The following SLC30A7 variants were observed in gnomAD, a reference collection of about 807,000 sequenced individuals.
The protein encoded by SLC30A7 is zinc transporter 7.
A neutral mutation model predicts 46.0 loss-of-function variants in SLC30A7; 35 were observed. That is an observed-to-expected ratio of 0.76 (90% CI 0.58 to 1.01). The LOEUF is 1.01. SLC30A7 is among the 50% of genes least tolerant of loss of function. SLC30A7 has a pLI of 0.00. For missense variants in SLC30A7, 464 were observed against 451.1 expected (o/e 1.03, Z -0.26); for synonymous variants, 147 against 157.8 (o/e 0.93, Z 0.51).
intron 6 of SLC30A7, among the ~76,000 whole-genome samples, chr1:100,917,712 T>G (rs1652663345): frequency 6.6e-6 from 1 of 152,162 alleles, no homozygotes; most frequent in African/African-American, 2.4e-5. Flanking sequence ...CTGGCTTCAT[T>G]TCTTGGACCT....
chr1:100,920,087 C>T (rs1048536878), intron 7 of SLC30A7, among the ~76,000 whole-genome samples: 1 of 152,036 alleles, frequency 6.6e-6, no homozygotes, highest in Non-Finnish European at 1.5e-5. Context: ...AACCAGTTTT[C>T]AGGTTAGCAA....
chr1:100,912,273 C>T (rs747940566), intron 5 of SLC30A7, 35 bp downstream of exon 5: 2 of 1,599,946 alleles, frequency 1.3e-6, no homozygotes, highest in South Asian at 1.1e-5. Context: ...TCTTCATTTT[C>T]TACTAGGTTT....
intron 2 of SLC30A7, among the ~76,000 whole-genome samples, chr1:100,903,092 G>A (rs1651410989): frequency 6.6e-6 from 1 of 151,950 alleles, no homozygotes; most frequent in Non-Finnish European, 1.5e-5. Flanking sequence ...AAAACATTTA[G>A]AAACCATACC....
downstream of SLC30A7, among the ~76,000 whole-genome samples, chr1:100,986,080 T>G (rs374843058): frequency 6.6e-6 from 1 of 152,328 alleles, no homozygotes; most frequent in African/African-American, 2.4e-5. Flanking sequence ...ATCCACATCA[T>G]TAGGTATTGG....
chr1:100,896,705 T>C (rs767548173), intron 2 of SLC30A7, 34 bp downstream of exon 2: 1 of 1,580,244 alleles, frequency 6.3e-7, no homozygotes, highest in South Asian at 1.1e-5. Flanking sequence ...GGGCGGAAGC[T>C]GGGTGTGAGG....
chr1:100,913,659 C>G lies in SLC30A7; in HGVS notation c.512-4C>G. The G allele has an allele frequency of 6.2e-7, 1 of 1,612,586 alleles. No homozygotes were observed. The highest frequency in any genetic ancestry group is 8.5e-7 in the Non-Finnish European group (1 of 1,178,788). ...ACCTTCTGTCCTAACACTTTGTTTT[C>G]TAGGCCACGGACACAGTCATTCCCT... is the stretch of plus-strand genomic sequence containing the variant. On this transcript the variant is annotated splice_region_variant and splice_polypyrimidine_tract_variant and intron_variant, in intron 5 of 10. Coordinates refer to ENST00000357650, the MANE Select transcript of SLC30A7 (RefSeq NM_133496.5).
Position 100,981,142 on chromosome 1 carries a change from G to T in SLC30A7, c.*6285G>T, listed in dbSNP as rs533991098. On this transcript the variant is annotated 3_prime_UTR_variant, in exon 11 of 11. Coordinates refer to ENST00000357650, the MANE Select transcript of SLC30A7 (RefSeq NM_133496.5). ...CTAGCGGGGAAAATTTTTTTATTTA[G>T]AATTTTAATATTTGAATTTTGTTTA... 6 of 151,898 alleles carry T rather than the reference G, an allele frequency of 4.0e-5. No homozygotes were observed. The highest frequency in any genetic ancestry group is 1.2e-4 in the African/African-American group (5 of 41,452). The allele number at this position is 151,898 out of a possible 1,614,324, so 9.4% of individuals were successfully genotyped here. A position where few individuals can be genotyped will look rare whatever the true frequency, so the allele number is the denominator to read the frequency against.
intron 6 of SLC30A7, among the ~76,000 whole-genome samples, chr1:100,917,579 T>C (rs1652652648): frequency 1.3e-5 from 2 of 152,248 alleles, no homozygotes; most frequent in African/African-American, 4.8e-5. Context: ...AATTATAGCA[T>C]TTTGTCATCA....
chr1:100,921,652 G>A (rs776203103), intron 7 of SLC30A7, 54 bp from the exon 8 acceptor site: 37 of 1,429,826 alleles, frequency 2.6e-5, no homozygotes, highest in South Asian at 1.2e-4. Context: ...GGATATATTC[G>A]TATTTTAAAT....
intron 8 of SLC30A7, among the ~76,000 whole-genome samples, chr1:100,944,149 A>G (rs1252919981): frequency 1.3e-5 from 2 of 152,144 alleles, no homozygotes; most frequent in Non-Finnish European, 2.9e-5. Flanking sequence ...CCTGGCCTCA[A>G]GCCATCCTCC....
intron 8 of SLC30A7, among the ~76,000 whole-genome samples, chr1:100,951,926 G>C (rs1654977472): frequency 6.6e-6 from 1 of 152,168 alleles, no homozygotes; most frequent in Admixed American, 6.5e-5. Context: ...TATTATCCAA[G>C]TGGGCCCAAT....
chr1:100,922,510 A>G (rs1005804942), intron 8 of SLC30A7, among the ~76,000 whole-genome samples: 5 of 152,328 alleles, frequency 3.3e-5, no homozygotes, highest in Non-Finnish European at 7.4e-5. Flanking sequence ...AGGAATATCA[A>G]AGACTCCTCT....
chr1:100,990,601 A>G, the SLC30A7 span: 1 of 1,613,988 alleles, frequency 6.2e-7, no homozygotes, highest in Non-Finnish European at 8.5e-7. Context: ...AACCCTGGCT[A>G]AGCCAACACA....
intron 3 of SLC30A7, among the ~76,000 whole-genome samples, chr1:100,907,890 C>T (rs1305830595): frequency 6.6e-6 from 1 of 151,958 alleles, no homozygotes; most frequent in African/African-American, 2.4e-5. Context: ...TGTGCTCATG[C>T]TCTTTTTTCC....
intron 8 of SLC30A7, among the ~76,000 whole-genome samples, chr1:100,939,624 C>G (rs147962364): frequency 0.11 from 16,788 of 150,570 alleles, 1,174 homozygotes; most frequent in Non-Finnish European, 0.16. Flanking sequence ...ATCACGAGGT[C>G]AGGAGATCGA....
chr1:100,991,246 C>A, the SLC30A7 span, among the ~76,000 whole-genome samples: 1 of 152,148 alleles, frequency 6.6e-6, no homozygotes, highest in Non-Finnish European at 1.5e-5. Context: ...AAACAGCCAG[C>A]CTTAGCTTTA....
At chr1:100,990,673 C>A in the SLC30A7 span, 3 of 1,570,460 alleles carry the variant, frequency 1.9e-6, no homozygotes, top group African/African-American at 2.7e-5. Context: ...TCAGCAAATG[C>A]ATCATCCATC....
chr1:100,949,927 C>T (rs1359288354), intron 8 of SLC30A7, among the ~76,000 whole-genome samples: 2 of 152,150 alleles, frequency 1.3e-5, no homozygotes, highest in Non-Finnish European at 2.9e-5. Flanking sequence ...TCATGGCTTC[C>T]CTTGGCTAGG....
At chr1:100,991,788 C>CAAA in the SLC30A7 span, among the ~76,000 whole-genome samples, 1 of 101,042 alleles carries the variant, frequency 9.9e-6, no homozygotes, top group African/African-American at 4.0e-5. Context: ...GACCCCATCT[C>CAAA]AAAAAAAAAA....
Sources: allele counts gnomAD v4.1 joint callset (sites outside exome capture counted in the v4.1 genomes callset), GRCh38; gene constraint gnomAD v4.1.1; transcripts MANE v1.5; gene names NCBI Gene and HGNC (gene_info 2026-07-23, HGNC 2026-07-21).